Variants in LYPD6 observed in about 807,000 individuals in gnomAD.
LYPD6 encodes LY6/PLAUR domain containing 6.
LYPD6 carries 15 observed loss-of-function variants against 22.7 expected under a neutral mutation model. That is an observed-to-expected ratio of 0.66 (90% CI 0.44 to 1.02). The LOEUF (loss-of-function observed/expected upper bound fraction) is 1.02. LYPD6 is among the 50% of genes least tolerant of loss of function. The pLI is 0.00. For synonymous variants in LYPD6, 72 were observed against 77.5 expected (o/e 0.93, Z 0.37); for missense variants, 189 against 208.4 (o/e 0.91, Z 0.57).
At chr2:149,378,834 C>T (rs1681994822) in intron 1 of LYPD6, among the ~76,000 whole-genome samples, 1 of 152,154 alleles carries the variant, frequency 6.6e-6, no homozygotes, top group Non-Finnish European at 1.5e-5. Context: ...TTGCAATGTA[C>T]TCCTTACTGC....
At chr2:149,478,010 G>C (rs1681469635), downstream of LYPD6, among the ~76,000 whole-genome samples, 1 of 152,184 alleles carries the variant, frequency 6.6e-6, no homozygotes, top group Admixed American at 6.5e-5. Context: ...CACTAAGGCT[G>C]CTTCTGTGAT....
intron 3 of LYPD6, among the ~76,000 whole-genome samples, chr2:149,459,664 G>A (rs1681043583): frequency 6.6e-6 from 1 of 152,180 alleles, no homozygotes; most frequent in Admixed American, 6.5e-5. Flanking sequence ...CACTTTGGGA[G>A]ACCAAGGCAG....
At chr2:149,369,924 GA>G (rs34817953) in intron 1 of LYPD6, among the ~76,000 whole-genome samples, 26,748 of 151,952 alleles carry the variant, frequency 0.18, 2,365 homozygotes, top group Middle Eastern at 0.2. Context: ...CAATACAGCT[GA>G]AGGAGGGCAT....
At chr2:149,417,324 CT>C (rs2105128750) in intron 1 of LYPD6, among the ~76,000 whole-genome samples, 1 of 152,310 alleles carries the variant, frequency 6.6e-6, no homozygotes, top group Non-Finnish European at 1.5e-5. Flanking sequence ...AGCATTTAGA[CT>C]TTATCCTGTG....
At chr2:149,366,701 A>G (rs1196709) in intron 1 of LYPD6, among the ~76,000 whole-genome samples, 150,975 of 152,346 alleles carry the variant, frequency 0.99, 74,829 homozygotes, top group Middle Eastern at 1. Flanking sequence ...AAGATTTTAA[A>G]TCATTTATCA....
At chr2:149,433,425 T>A (rs1293483165) in intron 1 of LYPD6, among the ~76,000 whole-genome samples, 1 of 152,194 alleles carries the variant, frequency 6.6e-6, no homozygotes, top group African/African-American at 2.4e-5. Context: ...TCCATCAGCA[T>A]CTTTTATACA....
intron 1 of LYPD6, among the ~76,000 whole-genome samples, chr2:149,345,825 A>G (rs1681244392): frequency 6.6e-6 from 1 of 152,322 alleles, no homozygotes; most frequent in South Asian, 2.1e-4. Context: ...TCTCAAATAT[A>G]TAAAAGATAT....
chr2:149,467,596 G>T (rs189745017), intron 3 of LYPD6, among the ~76,000 whole-genome samples: 1 of 152,046 alleles, frequency 6.6e-6, no homozygotes, highest in Admixed American at 6.6e-5. Flanking sequence ...GGAGGAATTT[G>T]TATTGCCTAA....
chr2:149,342,599 A>G (rs1681183858), intron 1 of LYPD6, among the ~76,000 whole-genome samples: 1 of 152,160 alleles, frequency 6.6e-6, no homozygotes, highest in Non-Finnish European at 1.5e-5. Flanking sequence ...CTCTTTCATC[A>G]GTAGTCTCCC....
At chr2:149,437,908 C>A in intron 2 of LYPD6, 82 bp downstream of exon 2, 1 of 1,497,682 alleles carries the variant, frequency 6.7e-7, no homozygotes, top group Non-Finnish European at 9.2e-7. Context: ...AAAAGGCATC[C>A]TTCAGTATAG....
At chr2:149,479,141 A>G in the LYPD6 span, among the ~76,000 whole-genome samples, 2 of 152,038 alleles carry the variant, frequency 1.3e-5, no homozygotes, top group African/African-American at 4.8e-5. Flanking sequence ...CTCCTCACCT[A>G]ACTTCTCAGC....
At chr2:149,383,257 T>C (rs1277849387) in intron 1 of LYPD6, among the ~76,000 whole-genome samples, 1 of 152,170 alleles carries the variant, frequency 6.6e-6, no homozygotes, top group Non-Finnish European at 1.5e-5. Context: ...TGAGTTTTAA[T>C]AGGTCAGTAA....
At chr2:149,436,089 A>G (rs1683425164) in intron 1 of LYPD6, among the ~76,000 whole-genome samples, 1 of 152,162 alleles carries the variant, frequency 6.6e-6, no homozygotes, top group African/African-American at 2.4e-5. Flanking sequence ...GTTCATTTTT[A>G]TACCTTCTAT....
In LYPD6 at chr2:149,349,662, T is replaced by TAAC. The variant is rs1681323778; in HGVS notation, c.-72+18942_-72+18944dup. 2.0e-5 allele frequency among the ~76,000 whole-genome samples: 3 copies of TAAC among 152,362 alleles called. No homozygotes were observed. In the East Asian group the frequency reaches 5.8e-4, roughly 29 times the overall value. On this transcript the variant is annotated intron_variant, in intron 1 of 4. Coordinates refer to ENST00000334166, the MANE Select transcript of LYPD6 (RefSeq NM_194317.5). ...TTTTTAACATTTCCCAATACTTTGCTAACAGCTTTTCCTCCTTACCCTTGC... is the reference window on the plus strand; with the variant it reads ...TTTTTAACATTTCCCAATACTTTGCTAACAACAGCTTTTCCTCCTTACCCTTGC...
intron 1 of LYPD6, among the ~76,000 whole-genome samples, chr2:149,346,957 C>T (rs1681268035): frequency 6.6e-6 from 1 of 152,190 alleles, no homozygotes; most frequent in Admixed American, 6.5e-5. Context: ...CCTTGGCCTC[C>T]CAAAGTTCTG....
At position 149,425,713 on chromosome 2, in the gene LYPD6, A is replaced by T. The variant is rs571516431; in HGVS notation, c.-71-11925A>T. On this transcript the variant is annotated intron_variant, in intron 1 of 4. Coordinates refer to ENST00000334166, the MANE Select transcript of LYPD6 (RefSeq NM_194317.5). ...GACTTATAAATGAAGATGGTGCATT[A>T]AAAGGAAGAATTCCTGCCTCAGTGA... is the stretch of plus-strand genomic sequence containing the variant. 2.0e-5 allele frequency among the ~76,000 whole-genome samples: 3 copies of T among 152,366 alleles called. No homozygotes were observed. The South Asian group carries it at 6.2e-4, about 32-fold the overall frequency.
downstream of LYPD6, among the ~76,000 whole-genome samples, chr2:149,474,679 TTAATG>T (rs1204781925): frequency 1.3e-5 from 2 of 152,210 alleles, no homozygotes; most frequent in East Asian, 1.9e-4. Context: ...AGTTCTGTCT[TTAATG>T]TAAGTGGTAT....
At chr2:149,411,602 A>G (rs1682850055) in intron 1 of LYPD6, among the ~76,000 whole-genome samples, 1 of 152,206 alleles carries the variant, frequency 6.6e-6, no homozygotes. Flanking sequence ...TTTGAAACAA[A>G]TTGACTCACT....
Position 149,471,486 on chromosome 2 carries a change from A to G in LYPD6, c.*636A>G, listed in dbSNP as rs1382661650. 3.3e-5 allele frequency: 5 copies of G among 152,162 alleles called. No homozygotes were observed. Among genetic ancestry groups the G allele is most frequent in the Non-Finnish European group, 5.9e-5 (4 of 68,028 alleles). 9.4% of individuals were successfully genotyped at this position (152,162 alleles called of 1,614,324 possible). A position where few individuals can be genotyped will look rare whatever the true frequency, so the allele number is the denominator to read the frequency against. On this transcript the variant is annotated 3_prime_UTR_variant, in exon 5 of 5. Coordinates refer to ENST00000334166, the MANE Select transcript of LYPD6 (RefSeq NM_194317.5). ...AAAAAGGCAATCATAAAAGTTTGTT[A>G]TATTTGTGGGGGTGCCTGGAGGAGG...
Sources: gnomAD v4.1 joint callset for allele counts (sites outside exome capture counted in the v4.1 genomes callset) on GRCh38, gnomAD v4.1.1 for gene constraint, MANE v1.5 for transcripts, NCBI Gene and HGNC (gene_info 2026-07-23, HGNC 2026-07-21) for gene names.